Variants in ARHGAP24 observed in about 807,000 individuals in gnomAD.
The protein encoded by ARHGAP24 is Rho GTPase activating protein 24.
In ARHGAP24, 50 loss-of-function variants were observed where a neutral mutation model predicts 76.4. The observed-to-expected ratio is 0.65, with a 90% CI of 0.52 to 0.83. The LOEUF (loss-of-function observed/expected upper bound fraction) is 0.83. Ranked by LOEUF, ARHGAP24 falls within the 40% of genes least tolerant of loss-of-function variation. The probability of loss-of-function intolerance (pLI) is 0.00; values close to 1 mark genes in which losing one functional copy is unlikely to be tolerated. For synonymous variants in ARHGAP24, 345 were observed against 323.3 expected, an observed-to-expected ratio of 1.07 and a Z score of -0.72; for missense variants, 930 against 914.2, an observed-to-expected ratio of 1.02 and a Z score of -0.22.
chr4:85,724,189 A>G (rs527978992), intron 3 of ARHGAP24, among the ~76,000 whole-genome samples: 63 of 152,290 alleles, frequency 4.1e-4, no homozygotes, highest in South Asian at 4.1e-4. Context: ...TCTCTATAAA[A>G]TTCTTTCAAT....
intron 4 of ARHGAP24, chr4:85,924,719 A>C (rs1256428338): frequency 6.6e-6 from 1 of 152,174 alleles, no homozygotes; most frequent in African/African-American, 2.4e-5. Flanking sequence ...GAATAACTTC[A>C]AAAGCTTAGT....
intron 1 of ARHGAP24, among the ~76,000 whole-genome samples, chr4:85,499,200 T>C (rs1209763340): frequency 2.6e-5 from 4 of 152,224 alleles, no homozygotes; most frequent in Admixed American, 6.5e-5. Flanking sequence ...TATATAAATA[T>C]GTATTTGGTA....
At chr4:85,859,021 T>C (rs1308747765) in intron 3 of ARHGAP24, among the ~76,000 whole-genome samples, 2 of 152,066 alleles carry the variant, frequency 1.3e-5, no homozygotes, top group Admixed American at 6.6e-5. Context: ...CTCCTGCCAT[T>C]ATCTGCTTTT....
intron 1 of ARHGAP24, among the ~76,000 whole-genome samples, chr4:85,566,192 G>A (rs1420551225): frequency 1.3e-5 from 2 of 152,084 alleles, no homozygotes; most frequent in African/African-American, 2.4e-5. Context: ...TGTTATGTTG[G>A]TTTTCTAACC....
intron 3 of ARHGAP24, among the ~76,000 whole-genome samples, chr4:85,730,540 G>T (rs1466573897): frequency 6.6e-6 from 1 of 152,114 alleles, no homozygotes; most frequent in Non-Finnish European, 1.5e-5. Context: ...CCGAGTAGTA[G>T]CTGGAACCAC....
intron 1 of ARHGAP24, among the ~76,000 whole-genome samples, chr4:85,479,106 G>A (rs1042777744): frequency 2.1e-4 from 32 of 151,902 alleles, no homozygotes; most frequent in African/African-American, 7.5e-4. Flanking sequence ...TATGAAGATA[G>A]TTATATCTCA....
At chr4:85,954,267 T>C (rs576063792) in intron 5 of ARHGAP24, among the ~76,000 whole-genome samples, 1 of 152,362 alleles carries the variant, frequency 6.6e-6, no homozygotes, top group South Asian at 2.1e-4. Flanking sequence ...TAACCTACCT[T>C]GTGCTGGATA....
intron 1 of ARHGAP24, among the ~76,000 whole-genome samples, chr4:85,548,952 T>C (rs1463834614): frequency 2.0e-5 from 3 of 152,120 alleles, no homozygotes; most frequent in African/African-American, 7.2e-5. Flanking sequence ...TCACTCATTA[T>C]AATGACTGCT....
chr4:85,921,667 A>T (rs1014839530), intron 3 of ARHGAP24, among the ~76,000 whole-genome samples: 2 of 152,074 alleles, frequency 1.3e-5, no homozygotes, highest in African/African-American at 2.4e-5. Flanking sequence ...ATGCTTTTTC[A>T]GATACGAGTT....
intron 3 of ARHGAP24, among the ~76,000 whole-genome samples, chr4:85,895,731 G>C (rs1242316338): frequency 6.6e-6 from 1 of 152,104 alleles, no homozygotes; most frequent in East Asian, 1.9e-4. Flanking sequence ...TGGATGAAGG[G>C]TGTTTTGTGA....
At chr4:85,925,715 G>A (rs115510750) in intron 4 of ARHGAP24, among the ~76,000 whole-genome samples, 1,819 of 152,192 alleles carry the variant, frequency 0.012, 36 homozygotes, top group African/African-American at 0.041. Context: ...AGTATATAAA[G>A]GGTTCAGTAA....
At chr4:85,598,468 G>T (rs1312618268) in intron 2 of ARHGAP24, among the ~76,000 whole-genome samples, 3 of 152,028 alleles carry the variant, frequency 2.0e-5, no homozygotes, top group African/African-American at 7.2e-5. Flanking sequence ...CAATAATGAT[G>T]TGTGGCAGAG....
rs1357135871 is a variant in ARHGAP24, at chr4:85,897,638, T to G, written c.269-26010T>G. ...GCTGAAGCCAGCAGCTTTACAGTTC[T>G]GTCTCCCCATGGCTCTCATATTGCT... On this transcript the variant is annotated intron_variant, in intron 3 of 9. Coordinates refer to ENST00000395184, the MANE Select transcript of ARHGAP24 (RefSeq NM_001025616.3). Among the ~76,000 whole-genome samples the G allele has an allele frequency of 2.6e-5, 4 of 152,264 alleles. No individual in the cohort carries two copies. In the East Asian group the frequency reaches 7.7e-4, roughly 29 times the overall value.
Position 85,733,342 on chromosome 4 carries a change from C to T in ARHGAP24, c.268+11370C>T, listed in dbSNP as rs190660025. On this transcript the variant is annotated intron_variant, in intron 3 of 9. Transcript: ENST00000395184. ...CCTCCCAAAGTGCTGGGATTACAGG[C>T]GTGAGCCACCACGCTGGGCCCAGGC... 3.3e-3 allele frequency among the ~76,000 whole-genome samples: 503 copies of T among 151,848 alleles called. 3 individuals carry two copies. The highest frequency in any genetic ancestry group is 0.011 in the African/African-American group (475 of 41,414).
chr4:85,811,660 A>C (rs1274243886), intron 3 of ARHGAP24, among the ~76,000 whole-genome samples: 1 of 152,250 alleles, frequency 6.6e-6, no homozygotes, highest in Non-Finnish European at 1.5e-5. Context: ...ATCCCAACTC[A>C]GAGTAATTAT....
intron 4 of ARHGAP24, among the ~76,000 whole-genome samples, chr4:85,941,393 A>G (rs1180865170): frequency 1.3e-5 from 2 of 152,182 alleles, no homozygotes; most frequent in African/African-American, 2.4e-5. Context: ...AATGTACATG[A>G]TAAAATACCC....
chr4:85,649,392 G>A (rs1034640513), intron 2 of ARHGAP24, among the ~76,000 whole-genome samples: 3 of 151,990 alleles, frequency 2.0e-5, no homozygotes, highest in African/African-American at 7.2e-5. Context: ...CAATGTCAGC[G>A]GTGTTCAATA....
chr4:85,539,855 G>C (rs568524784), intron 1 of ARHGAP24, among the ~76,000 whole-genome samples: 10 of 152,182 alleles, frequency 6.6e-5, no homozygotes, highest in African/African-American at 2.4e-4. Context: ...AGGAGTTTGC[G>C]ACCAGCCTGC....
intron 2 of ARHGAP24, among the ~76,000 whole-genome samples, chr4:85,702,513 A>G (rs1484689219): frequency 6.6e-6 from 1 of 152,192 alleles, no homozygotes; most frequent in Non-Finnish European, 1.5e-5. Context: ...ATCTTTTCAT[A>G]TACATTAACA....
Sources: allele counts gnomAD v4.1 joint callset (sites outside exome capture counted in the v4.1 genomes callset), GRCh38; gene constraint gnomAD v4.1.1; transcripts MANE v1.5; gene names NCBI Gene and HGNC (gene_info 2026-07-23, HGNC 2026-07-21).